Variants in SPIRE1 observed in about 807,000 individuals in gnomAD.
SPIRE1 encodes spire type actin nucleation factor 1, also known as protein spire homolog 1.
Under a neutral mutation model 94.1 loss-of-function variants are expected in SPIRE1, and 40 were observed. The observed-to-expected ratio is 0.43, with a 90% CI of 0.33 to 0.55. The LOEUF (loss-of-function observed/expected upper bound fraction) is 0.55. Among genes scored for constraint, SPIRE1 ranks in the 20% least tolerant of loss-of-function variants. The pLI is 0.06. For synonymous variants in SPIRE1, 376 were observed against 371.7 expected (o/e 1.01, Z -0.13); for missense variants, 838 against 975.2 (o/e 0.86, Z 1.87).
At chr18:12,620,784 A>C (rs1418406765) in intron 2 of SPIRE1, among the ~76,000 whole-genome samples, 1 of 152,182 alleles carries the variant, frequency 6.6e-6, no homozygotes, top group Non-Finnish European at 1.5e-5. Flanking sequence ...ACAAGCAATA[A>C]AATAAAAAAT....
chr18:12,524,711 T>C (rs764218294), intron 4 of SPIRE1, among the ~76,000 whole-genome samples: 1 of 152,104 alleles, frequency 6.6e-6, no homozygotes, highest in Non-Finnish European at 1.5e-5. Context: ...CAATGGCTCA[T>C]GCATGTAATC....
chr18:12,642,174 T>C (rs1344781801), intron 1 of SPIRE1, among the ~76,000 whole-genome samples: 2 of 152,206 alleles, frequency 1.3e-5, no homozygotes, highest in African/African-American at 4.8e-5. Flanking sequence ...CATCTGTTCA[T>C]TCACCAACAA....
intron 6 of SPIRE1, among the ~76,000 whole-genome samples, chr18:12,503,086 G>C (rs1288317395): frequency 6.7e-6 from 1 of 150,198 alleles, no homozygotes; most frequent in African/African-American, 2.5e-5. Flanking sequence ...TCCAGCCTGG[G>C]CAACAGAGTG....
intron 4 of SPIRE1, among the ~76,000 whole-genome samples, chr18:12,520,294 A>C (rs1208718149): frequency 6.6e-6 from 1 of 152,220 alleles, no homozygotes; most frequent in East Asian, 1.9e-4. Context: ...AGTAGTAGAC[A>C]AAAATAGAAG....
chr18:12,569,307 C>T (rs2035898491), intron 2 of SPIRE1, among the ~76,000 whole-genome samples: 1 of 148,920 alleles, frequency 6.7e-6, no homozygotes, highest in African/African-American at 2.5e-5. Flanking sequence ...CACCAATGCA[C>T]TCCTGCCTGG....
chr18:12,529,096 A>G (rs2034607212), intron 4 of SPIRE1, among the ~76,000 whole-genome samples: 1 of 152,228 alleles, frequency 6.6e-6, no homozygotes, highest in Non-Finnish European at 1.5e-5. Context: ...CAGGCTGGGC[A>G]CAGTGGCTCA....
chr18:12,507,769 TCTC>T (rs546970252), intron 5 of SPIRE1, among the ~76,000 whole-genome samples: 173 of 152,198 alleles, frequency 1.1e-3, no homozygotes, highest in African/African-American at 4.1e-3. Context: ...ACTCTTTTGT[TCTC>T]CTGCCTATAA....
intron 2 of SPIRE1, among the ~76,000 whole-genome samples, chr18:12,575,293 T>TA (rs898449605): frequency 2.5e-4 from 37 of 149,246 alleles, no homozygotes; most frequent in East Asian, 3.9e-4. Flanking sequence ...ACACAAAGAG[T>TA]AAAAAAAAAT....
chr18:12,557,185 C>T (rs111660469), intron 2 of SPIRE1, among the ~76,000 whole-genome samples: 2,180 of 152,316 alleles, frequency 0.014, 44 homozygotes, highest in African/African-American at 0.042. Context: ...GACCGGTCGC[C>T]GCGGAGCAGG....
At chr18:12,566,035 C>CA (rs952452042) in intron 2 of SPIRE1, among the ~76,000 whole-genome samples, 94 of 139,678 alleles carry the variant, frequency 6.7e-4, no homozygotes, top group Admixed American at 2.6e-3. Context: ...AACAAACAAA[C>CA]AAAAAAAAAA....
chr18:12,553,148 C>T (rs1025870260), intron 2 of SPIRE1, among the ~76,000 whole-genome samples: 6 of 152,160 alleles, frequency 3.9e-5, no homozygotes, highest in East Asian at 1.9e-4. Context: ...GCCCCTTCCC[C>T]GCTGTGGTGG....
At chr18:12,557,711 C>T (rs1490700635) in intron 2 of SPIRE1, among the ~76,000 whole-genome samples, 1 of 106,750 alleles carries the variant, frequency 9.4e-6, no homozygotes, top group Non-Finnish European at 2.4e-5. Flanking sequence ...CTACAATATA[C>T]AAATATATAT....
At chr18:12,496,132 T>C (rs1269833293) in intron 6 of SPIRE1, 30 bp from the exon 7 acceptor site, 1 of 1,464,598 alleles carries the variant, frequency 6.8e-7, no homozygotes, top group East Asian at 2.3e-5. Context: ...AGAAGATTCA[T>C]GTGACTATAT....
In SPIRE1 at chr18:12,479,799, G is replaced by T. The variant is rs750435725; in HGVS notation, c.1304C>A (p.Thr435Lys). Residue 435 changes from threonine to lysine, a missense_variant, in exon 10 of 17, where the codon ACA (threonine) becomes AAA (lysine). Physicochemically the swap from Thr to Lys is moderately conservative, Grantham distance 78. Coordinates refer to ENST00000409402, the MANE Select transcript of SPIRE1 (RefSeq NM_001128626.2). ...TGAGGTACTTAACCCGTTTTCTTTT[G>T]TTTGTGATGTCAAACCTCCATTCAC... ...SMVNGGLTSQ[T>K]KENGLSTSQQ... 1 of 1,614,112 alleles carries T rather than the reference G, an allele frequency of 6.2e-7. No homozygotes were observed. Among genetic ancestry groups the T allele is most frequent in the South Asian group, 1.1e-5 (1 of 91,086 alleles).
At chr18:12,553,829 C>A (rs1457510228) in intron 2 of SPIRE1, among the ~76,000 whole-genome samples, 1 of 151,708 alleles carries the variant, frequency 6.6e-6, no homozygotes, top group Non-Finnish European at 1.5e-5. Flanking sequence ...TTAGTAAAGG[C>A]AAAGAATAAA....
intron 2 of SPIRE1, among the ~76,000 whole-genome samples, chr18:12,558,830 C>T (rs2035598416): frequency 6.6e-6 from 1 of 151,978 alleles, no homozygotes; most frequent in South Asian, 2.1e-4. Context: ...TCCAAGTCCC[C>T]ACCAGATTAG....
intron 2 of SPIRE1, among the ~76,000 whole-genome samples, chr18:12,590,090 CTT>C (rs33962566): frequency 1.4e-3 from 200 of 142,958 alleles, no homozygotes; most frequent in African/African-American, 2.2e-3. Flanking sequence ...CTCCTAATTT[CTT>C]TTTTTTTTTT....
chr18:12,593,108 G>T (rs540779216), intron 2 of SPIRE1, among the ~76,000 whole-genome samples: 1 of 152,318 alleles, frequency 6.6e-6, no homozygotes, highest in East Asian at 1.9e-4. Flanking sequence ...TTCATGCTAT[G>T]GTTTTAAATT....
At chr18:12,579,920 C>T (rs538220616) in intron 2 of SPIRE1, among the ~76,000 whole-genome samples, 1 of 152,190 alleles carries the variant, frequency 6.6e-6, no homozygotes, top group East Asian at 1.9e-4. Context: ...GCCTTTAAAC[C>T]ACCTGTAACC....
Sources: gnomAD v4.1 joint callset for allele counts (sites outside exome capture counted in the v4.1 genomes callset) on GRCh38, gnomAD v4.1.1 for gene constraint, MANE v1.5 for transcripts, NCBI Gene and HGNC (gene_info 2026-07-23, HGNC 2026-07-21) for gene names.